RBFOX1: variants seen among roughly 807,000 people sequenced by gnomAD.
RBFOX1 encodes the protein RNA binding protein fox-1 homolog 1.
Under a neutral mutation model 57.7 loss-of-function variants are expected in RBFOX1, and 8 were observed. The ratio of observed to expected loss-of-function variants is 0.14; its 90% CI spans 0.08 to 0.25. The LOEUF (loss-of-function observed/expected upper bound fraction) is 0.25, where lower values mean the gene tolerates loss of function less well. Among genes scored for constraint, RBFOX1 ranks in the 10% least tolerant of loss-of-function variants. RBFOX1 has a pLI of 1.00. For synonymous variants in RBFOX1, 326 were observed against 222.4 expected, an observed-to-expected ratio of 1.47 and a Z score of -4.15; for missense variants, 611 against 548.5, an observed-to-expected ratio of 1.11 and a Z score of -1.14.
intron 3 of RBFOX1, among the ~76,000 whole-genome samples, chr16:6,826,834 T>A (rs966903287): frequency 1.3e-5 from 2 of 152,196 alleles, no homozygotes; most frequent in African/African-American, 4.8e-5. Flanking sequence ...ATAAATTAAT[T>A]TTAAATTGAA....
intron 4 of RBFOX1, among the ~76,000 whole-genome samples, chr16:7,282,609 T>A (rs555348646): frequency 6.6e-4 from 101 of 152,210 alleles, no homozygotes; most frequent in African/African-American, 2.4e-3. Context: ...CATAGGTTAT[T>A]GGGGGAACAG....
intron 3 of RBFOX1, among the ~76,000 whole-genome samples, chr16:7,026,538 A>G (rs183547769): frequency 1.3e-5 from 2 of 151,976 alleles, no homozygotes; most frequent in East Asian, 3.9e-4. Context: ...CACATACACA[A>G]TCACAGCTGC....
chr16:6,903,681 C>G (rs1336265921), intron 3 of RBFOX1, among the ~76,000 whole-genome samples: 1 of 152,072 alleles, frequency 6.6e-6, no homozygotes. Context: ...AAAGAGATGC[C>G]TTTCAGAAAG....
intron 2 of RBFOX1, among the ~76,000 whole-genome samples, chr16:6,640,764 G>C (rs1013857378): frequency 6.6e-6 from 1 of 152,108 alleles, no homozygotes; most frequent in African/African-American, 2.4e-5. Flanking sequence ...ACAAGTTCCA[G>C]TTCTGGTTTT....
At chr16:5,822,767 G>A (rs1023868409) in intron 3 of RBFOX1, among the ~76,000 whole-genome samples, 3 of 152,166 alleles carry the variant, frequency 2.0e-5, no homozygotes, top group Non-Finnish European at 2.9e-5. Flanking sequence ...AATTGGAGAT[G>A]GTTTGTTGTC....
chr16:6,485,429 C>A (rs531046051), intron 2 of RBFOX1, among the ~76,000 whole-genome samples: 1 of 151,948 alleles, frequency 6.6e-6, no homozygotes, highest in African/African-American at 2.4e-5. Flanking sequence ...ACGTGTATTT[C>A]TTTCCATCTT....
intron 2 of RBFOX1, among the ~76,000 whole-genome samples, chr16:6,448,795 C>G (rs554848094): frequency 6.6e-6 from 1 of 152,154 alleles, no homozygotes; most frequent in African/African-American, 2.4e-5. Flanking sequence ...GCCACCTTAT[C>G]CTATTAAACA....
chr16:5,937,410 G>A (rs1408257924), intron 4 of RBFOX1, among the ~76,000 whole-genome samples: 1 of 152,176 alleles, frequency 6.6e-6, no homozygotes, highest in Non-Finnish European at 1.5e-5. Flanking sequence ...CGTGAACCAA[G>A]TGTTGAGTTC....
chr16:6,786,270 G>A (rs56676863), intron 3 of RBFOX1, among the ~76,000 whole-genome samples: 12,078 of 152,144 alleles, frequency 0.079, 530 homozygotes, highest in Admixed American at 0.12. Context: ...AGGAGACGGG[G>A]CTTTTTGGCT....
At chr16:6,751,250 A>T (rs1321207807) in intron 3 of RBFOX1, among the ~76,000 whole-genome samples, 1 of 152,134 alleles carries the variant, frequency 6.6e-6, no homozygotes, top group African/African-American at 2.4e-5. Flanking sequence ...GATTGTTTTT[A>T]TTGACTCTAG....
intron 4 of RBFOX1, among the ~76,000 whole-genome samples, chr16:7,100,137 A>G (rs1321705101): frequency 6.6e-6 from 1 of 152,106 alleles, no homozygotes; most frequent in South Asian, 2.1e-4. Context: ...GAACAAAAAA[A>G]AAAGCTTTAG....
chr16:5,254,245 G>T (rs1323629158), intron 1 of RBFOX1, among the ~76,000 whole-genome samples: 2 of 152,098 alleles, frequency 1.3e-5, no homozygotes, highest in African/African-American at 4.8e-5. Flanking sequence ...CTGGTCGCTG[G>T]GTGCACACTC....
chr16:6,700,973 A>C (rs2061733423), intron 3 of RBFOX1, among the ~76,000 whole-genome samples: 1 of 152,086 alleles, frequency 6.6e-6, no homozygotes, highest in African/African-American at 2.4e-5. Flanking sequence ...CATTGGGGGT[A>C]CCAGATGCTT....
At chr16:7,232,587 A>G (rs2093562619) in intron 4 of RBFOX1, among the ~76,000 whole-genome samples, 4 of 152,106 alleles carry the variant, frequency 2.6e-5, no homozygotes. Flanking sequence ...CATGCCTGTA[A>G]TCCCAGCGCT....
intron 2 of RBFOX1, among the ~76,000 whole-genome samples, chr16:6,607,460 C>G (rs1015880399): frequency 3.4e-5 from 5 of 148,754 alleles, no homozygotes; most frequent in Non-Finnish European, 6.0e-5. Context: ...CTTCCTCTCT[C>G]TCTTCCTCCT....
At chr16:6,405,766 A>C (rs1004764451) in intron 2 of RBFOX1, among the ~76,000 whole-genome samples, 14 of 152,232 alleles carry the variant, frequency 9.2e-5, no homozygotes, top group Admixed American at 1.3e-4. Context: ...GCCACTTTAC[A>C]CATGGGCTAT....
chr16:7,065,488 T>C (rs2055755623), intron 4 of RBFOX1, among the ~76,000 whole-genome samples: 1 of 152,204 alleles, frequency 6.6e-6, no homozygotes, highest in South Asian at 2.1e-4. Context: ...AGCTGCCATC[T>C]ATCTAAGACG....
At chr16:6,962,564 A>G (rs1012933433) in intron 3 of RBFOX1, among the ~76,000 whole-genome samples, 2 of 152,020 alleles carry the variant, frequency 1.3e-5, no homozygotes, top group African/African-American at 4.8e-5. Context: ...ATTCAATTCA[A>G]CCTGTTAACA....
intron 3 of RBFOX1, among the ~76,000 whole-genome samples, chr16:6,675,049 G>C (rs192400647): frequency 6.6e-5 from 10 of 152,176 alleles, no homozygotes; most frequent in Admixed American, 3.9e-4. Context: ...GGGACTACAG[G>C]TATGTGCCAC....
Sources: gnomAD v4.1 joint callset for allele counts (sites outside exome capture counted in the v4.1 genomes callset) on GRCh38, gnomAD v4.1.1 for gene constraint, MANE v1.5 for transcripts, NCBI Gene and HGNC (gene_info 2026-07-23, HGNC 2026-07-21) for gene names.